LRRC4C: variants seen among roughly 807,000 people sequenced by gnomAD.
The protein encoded by LRRC4C is leucine rich repeat containing 4C.
Under a neutral mutation model 33.6 loss-of-function variants are expected in LRRC4C, and 5 were observed. The observed-to-expected ratio is 0.15, with a 90% CI of 0.08 to 0.31. LRRC4C has a LOEUF of 0.31. Ranked by LOEUF, LRRC4C falls within the 10% of genes least tolerant of loss-of-function variation. The probability of loss-of-function intolerance (pLI) is 1.00; values close to 1 mark genes in which losing one functional copy is unlikely to be tolerated. For missense variants in LRRC4C, 560 were observed against 796.7 expected, an observed-to-expected ratio of 0.70 and a Z score of 3.58; for synonymous variants, 329 against 302.0, an observed-to-expected ratio of 1.09 and a Z score of -0.93.
chr11:41,153,183 T>C (rs1336416173), intron 1 of LRRC4C, among the ~76,000 whole-genome samples: 1 of 152,138 alleles, frequency 6.6e-6, no homozygotes, highest in Non-Finnish European at 1.5e-5. Context: ...TTAAAGAATC[T>C]GATTAAAACT....
intron 1 of LRRC4C, among the ~76,000 whole-genome samples, chr11:41,218,688 A>G (rs906786838): frequency 3.3e-5 from 5 of 152,044 alleles, no homozygotes; most frequent in African/African-American, 1.2e-4. Flanking sequence ...AAGAATAATA[A>G]TAGATTCTAT....
intron 2 of LRRC4C, among the ~76,000 whole-genome samples, chr11:40,805,098 G>T (rs934187663): frequency 1.3e-5 from 2 of 152,162 alleles, no homozygotes; most frequent in Non-Finnish European, 2.9e-5. Context: ...GTCCAACAAT[G>T]AAGCCTGAGC....
chr11:41,070,491 T>TGG (rs1347365300), intron 1 of LRRC4C, among the ~76,000 whole-genome samples: 1 of 152,070 alleles, frequency 6.6e-6, no homozygotes, highest in Non-Finnish European at 1.5e-5. Flanking sequence ...ATCTACAGAA[T>TGG]GGGAGAAAAT....
chr11:40,557,938 T>A (rs747378592), intron 3 of LRRC4C, among the ~76,000 whole-genome samples: 3 of 152,266 alleles, frequency 2.0e-5, no homozygotes, highest in Middle Eastern at 3.4e-3. Context: ...GTTAAATTAA[T>A]GTTTTTAAGG....
At chr11:40,535,283 C>A (rs2135343360) in intron 3 of LRRC4C, among the ~76,000 whole-genome samples, 1 of 152,224 alleles carries the variant, frequency 6.6e-6, no homozygotes, top group South Asian at 2.1e-4. Context: ...ATAAAGGTAG[C>A]ATTCGATCTG....
At chr11:41,191,187 T>A (rs2136211129) in intron 1 of LRRC4C, among the ~76,000 whole-genome samples, 1 of 152,320 alleles carries the variant, frequency 6.6e-6, no homozygotes, top group African/African-American at 2.4e-5. Flanking sequence ...GTTTCTATTT[T>A]GAATTAGGGC....
chr11:40,657,621 T>C (rs1591389035), intron 2 of LRRC4C, among the ~76,000 whole-genome samples: 1 of 152,226 alleles, frequency 6.6e-6, no homozygotes, highest in Non-Finnish European at 1.5e-5. Flanking sequence ...CTCTCCCAGA[T>C]TGGAGTCTTC....
chr11:40,312,811 C>A (rs574779528), intron 4 of LRRC4C, among the ~76,000 whole-genome samples: 1 of 152,264 alleles, frequency 6.6e-6, no homozygotes, highest in South Asian at 2.1e-4. Context: ...GTCAGCTTAA[C>A]CCGAAAGACA....
intron 1 of LRRC4C, among the ~76,000 whole-genome samples, chr11:41,283,708 C>T (rs907815302): frequency 6.6e-6 from 1 of 152,180 alleles, no homozygotes; most frequent in Non-Finnish European, 1.5e-5. Context: ...CACAAAGTCT[C>T]AACTATTTAC....
In LRRC4C at chr11:40,574,960, C is replaced by T. The variant is rs575763181; in HGVS notation, c.-270+73182G>A. Among the ~76,000 whole-genome samples, 46 of 152,206 alleles carry T rather than the reference C, an allele frequency of 3.0e-4. No homozygotes were observed. In the East Asian group the frequency reaches 5.2e-3, roughly 17 times the overall value. The stretch of plus-strand genomic sequence containing the variant: ...ATAGCCAGAGTGTTGTCTAAAAGGG[C>T]GGTAAGACCACTGTATGGGCACATC... On this transcript the variant is annotated intron_variant, in intron 3 of 6. Coordinates refer to ENST00000528697, the MANE Select transcript of LRRC4C (RefSeq NM_001258419.2).
intron 3 of LRRC4C, among the ~76,000 whole-genome samples, chr11:40,429,366 G>A (rs1013110959): frequency 3.3e-5 from 5 of 152,134 alleles, no homozygotes; most frequent in East Asian, 3.9e-4. Context: ...GAGCCACTGC[G>A]CCTGGCCCTG....
intron 3 of LRRC4C, among the ~76,000 whole-genome samples, chr11:40,523,314 T>C (rs982355951): frequency 2.0e-5 from 3 of 152,006 alleles, no homozygotes; most frequent in Non-Finnish European, 4.4e-5. Context: ...TACTTATTGG[T>C]AATGTATATA....
intron 1 of LRRC4C, among the ~76,000 whole-genome samples, chr11:41,107,056 T>G (rs1590608631): frequency 2.7e-5 from 2 of 75,190 alleles, no homozygotes; most frequent in East Asian, 7.4e-4. Flanking sequence ...TTTTAGGTTT[T>G]GATTTTTTTT....
At chr11:40,262,046 C>T (rs1210932982) in intron 4 of LRRC4C, among the ~76,000 whole-genome samples, 2 of 152,094 alleles carry the variant, frequency 1.3e-5, no homozygotes, top group African/African-American at 4.8e-5. Context: ...AATAGGCAAC[C>T]TACAGAATGG....
At chr11:40,572,321 T>G (rs113308604) in intron 3 of LRRC4C, among the ~76,000 whole-genome samples, 3,748 of 152,292 alleles carry the variant, frequency 0.025, 66 homozygotes, top group South Asian at 0.034. Context: ...CCTATCCAGA[T>G]GAACACTATC....
rs369429933 is a variant in LRRC4C, at chr11:41,371,998, G to T, written c.-496+87433C>A. On this transcript the variant is annotated intron_variant, in intron 1 of 6. Coordinates refer to ENST00000528697, the MANE Select transcript of LRRC4C (RefSeq NM_001258419.2). ...AAAAATACAAAGAAATTAGCCAGGC[G>T]TAGTGGCTGGCGCCTGTAGTCCCAG... 4.6e-5 allele frequency among the ~76,000 whole-genome samples: 7 copies of T among 152,278 alleles called. No homozygotes were observed. In the East Asian group the frequency reaches 1.4e-3, roughly 29 times the overall value.
At chr11:41,008,461 T>C (rs1424977075) in intron 1 of LRRC4C, among the ~76,000 whole-genome samples, 1 of 152,110 alleles carries the variant, frequency 6.6e-6, no homozygotes. Flanking sequence ...CTAGTTCGAT[T>C]TGTTGAATTT....
At chr11:41,368,760 G>T (rs1275589210) in intron 1 of LRRC4C, among the ~76,000 whole-genome samples, 2 of 152,174 alleles carry the variant, frequency 1.3e-5, no homozygotes, top group Non-Finnish European at 2.9e-5. Context: ...TTTCCTACAT[G>T]TTGCTACTGG....
At chr11:40,820,007 A>G (rs1951864558) in intron 2 of LRRC4C, among the ~76,000 whole-genome samples, 1 of 152,080 alleles carries the variant, frequency 6.6e-6, no homozygotes, top group African/African-American at 2.4e-5. Context: ...ACAAAAAACC[A>G]CTAATGTCAA....
Sources: allele counts gnomAD v4.1 joint callset (sites outside exome capture counted in the v4.1 genomes callset), GRCh38; gene constraint gnomAD v4.1.1; transcripts MANE v1.5; gene names NCBI Gene and HGNC (gene_info 2026-07-23, HGNC 2026-07-21).